TRPM5: variants seen among roughly 807,000 people sequenced by gnomAD.
The protein encoded by TRPM5 is MLSN1 and TRP-related.
A neutral mutation model predicts 124.9 loss-of-function variants in TRPM5; 121 were observed. The ratio of observed to expected loss-of-function variants is 0.97; its 90% CI spans 0.84 to 1.13. The LOEUF is 1.13. TRPM5 is among the 50% of genes most tolerant of loss of function. TRPM5 has a pLI of 0.00. For synonymous variants in TRPM5, 781 were observed against 700.5 expected, an observed-to-expected ratio of 1.11 and a Z score of -1.81; for missense variants, 1,643 against 1,589.1, an observed-to-expected ratio of 1.03 and a Z score of -0.58.
At chr11:2,415,417 A>G (rs1364341096) in exon 9 of TRPM5, 9 of 1,593,418 alleles carry the variant, frequency 5.6e-6, no homozygotes, top group Non-Finnish European at 7.6e-6. Context: ...AGGCGCACAA[A>G]CTCGGGCTTG....
chr11:2,411,209 G>A lies in TRPM5; in HGVS notation c.2782+143C>T, dbSNP rs1565008395. On this transcript the variant is annotated intron_variant, in intron 18 of 23. Transcript: ENST00000155858. The stretch of plus-strand genomic sequence containing the variant: ...GGGGTGTGGGGGGCCTGGGGACCAG[G>A]CCTCAGCCACTTCTCCCATCTCTGC... 7 of 1,059,022 alleles carry A rather than the reference G, an allele frequency of 6.6e-6. No individual in the cohort carries two copies. Among genetic ancestry groups the A allele is most frequent in the Non-Finnish European group, 9.1e-6 (7 of 767,900 alleles). 65.6% of individuals were successfully genotyped at this position (1,059,022 alleles called of 1,614,324 possible).
chr11:2,415,430 G>A, exon 9 of TRPM5: 1 of 1,588,946 alleles, frequency 6.3e-7, no homozygotes, highest in Non-Finnish European at 8.5e-7. Flanking sequence ...CGGGCTTGTT[G>A]CTGACCAGGG....
chr11:2,413,131 C>T lies in TRPM5; in HGVS notation c.2096+3G>A. 1.9e-6 allele frequency: 3 copies of T among 1,553,542 alleles called. No individual in the cohort carries two copies. Among genetic ancestry groups the T allele is most frequent in the Non-Finnish European group, 2.6e-6 (3 of 1,148,682 alleles). ...CCACCCTGCCTGGCCCTGTGCCTCG[C>T]ACCGGCTCTGCAGGCCATACAGCGG... On this transcript the variant is annotated splice_donor_region_variant and intron_variant, in intron 14 of 23. Coordinates refer to ENST00000155858, the Ensembl canonical transcript of TRPM5.
intron 18 of TRPM5, among the ~76,000 whole-genome samples, chr11:2,409,996 C>A (rs1031430808): frequency 6.6e-6 from 1 of 152,210 alleles, no homozygotes; most frequent in African/African-American, 2.4e-5. Context: ...AAAGAGGGGA[C>A]CCCCAACCCT....
exon 21 of TRPM5, chr11:2,406,696 G>A: frequency 2.5e-6 from 4 of 1,613,314 alleles, no homozygotes; most frequent in Non-Finnish European, 3.4e-6. Context: ...CCCCCTCGCT[G>A]TCCCTCCTCC....
At position 2,415,006 on chromosome 11, in the gene TRPM5, CA is replaced by C. The variant is rs1334660499; in HGVS notation, c.1520del (p.Leu507ArgfsTer4). 3 of 1,605,464 alleles carry C rather than the reference CA, an allele frequency of 1.9e-6. No individual in the cohort carries two copies. Among genetic ancestry groups the C allele is most frequent in the Middle Eastern group, 1.7e-4 (1 of 6,060 alleles). ...TCTCGCTCTTCTGGTTCAGGTCCAG[CA>C]GCCACTTCTGGCCCGTGGGCCGCTT... is the stretch of plus-strand genomic sequence containing the variant. On this transcript the variant is annotated frameshift_variant, in exon 10 of 24. Transcript: ENST00000155858. LOFTEE classifies it high-confidence loss of function.
the TRPM5 span, among the ~76,000 whole-genome samples, chr11:2,438,409 A>G: frequency 1.7e-4 from 26 of 152,330 alleles, 1 homozygote; most frequent in African/African-American, 6.3e-4. This position sits in a 1 kb window ranked among gnomAD's most constrained non-coding sequence, Gnocchi z 5.9. Flanking sequence ...TCACACCAGT[A>G]ATCCTAGCAT....
intron 8 of TRPM5, 120 bp from the exon 14 acceptor site, chr11:2,415,591 G>A (rs957908955): frequency 9.6e-6 from 7 of 728,032 alleles, no homozygotes; most frequent in East Asian, 2.7e-5. Flanking sequence ...GCCAGGTCAC[G>A]CAGACCCTCT....
intron 2 of TRPM5, among the ~76,000 whole-genome samples, chr11:2,421,777 G>A (rs555869149): frequency 2.0e-4 from 30 of 152,322 alleles, no homozygotes; most frequent in African/African-American, 7.2e-4. Flanking sequence ...TCTGGTCCCA[G>A]GTGAGTGGGA....
At chr11:2,424,887 A>G (rs557141047), upstream of TRPM5, among the ~76,000 whole-genome samples, 35 of 152,278 alleles carry the variant, frequency 2.3e-4, no homozygotes, top group African/African-American at 6.0e-4. Context: ...GGCAGGACCC[A>G]CCCACGGGCC....
upstream of TRPM5, among the ~76,000 whole-genome samples, chr11:2,425,388 C>T (rs1423394135): frequency 2.0e-5 from 3 of 152,156 alleles, no homozygotes; most frequent in Non-Finnish European, 4.4e-5. Flanking sequence ...GCCTTGGTTG[C>T]CGCATGGTCT....
upstream of TRPM5, chr11:2,423,114 G>A (rs577756856): frequency 8.0e-5 from 98 of 1,230,334 alleles, no homozygotes; most frequent in South Asian, 1.3e-3. Flanking sequence ...CCCCTCAGGG[G>A]GCTGGCTCTG....
chr11:2,430,108 T>C, the TRPM5 span, among the ~76,000 whole-genome samples: 1 of 152,140 alleles, frequency 6.6e-6, no homozygotes, highest in Non-Finnish European at 1.5e-5. Flanking sequence ...CAGGTCATGT[T>C]CCTCCCCGCC....
In TRPM5 at chr11:2,421,282, T is replaced by C. The variant is rs112492621; in HGVS notation, c.299-84A>G. On this transcript the variant is annotated intron_variant, in intron 2 of 23. Coordinates refer to ENST00000155858, the Ensembl canonical transcript of TRPM5. ...CCCACGCCCTAACCCCTAGGCCCAATCAGCAGCCAGTTACCTGGGAGCCAG... is the reference window on the plus strand; with the variant it reads ...CCCACGCCCTAACCCCTAGGCCCAACCAGCAGCCAGTTACCTGGGAGCCAG... 10,702 of 1,430,886 alleles carry C rather than the reference T, an allele frequency of 7.5e-3. 603 individuals are homozygous for C. The African/African-American group carries it at 0.13, about 18-fold the overall frequency. The allele number at this position is 1,430,886 out of a possible 1,614,324, so 88.6% of individuals were successfully genotyped here.
Position 2,412,257 on chromosome 11 carries a change from G to A in TRPM5, c.2356-4C>T. ...TGTCCTCGTCTGTGAAGAAGCCCTG[G>A]GAGGGAGGTGGGCAGTCCACTGACA... On this transcript the variant is annotated splice_polypyrimidine_tract_variant and splice_region_variant and intron_variant, in intron 15 of 23. Transcript: ENST00000155858. 1 of 1,609,896 alleles carries A rather than the reference G, an allele frequency of 6.2e-7. No individual in the cohort carries two copies. The highest frequency in any genetic ancestry group is 8.5e-7 in the Non-Finnish European group (1 of 1,177,136).
chr11:2,414,013 G>GGGGGA, intron 12 of TRPM5, 48 bp downstream of exon 17: 1 of 625,670 alleles, frequency 1.6e-6, no homozygotes, highest in Non-Finnish European at 2.4e-6. Context: ...CAGCTCGCCC[G>GGGGGA]CCCACCCCAC....
chr11:2,415,313 G>A (rs752577088), exon 9 of TRPM5: 90 of 1,583,722 alleles, frequency 5.7e-5, no homozygotes, highest in Non-Finnish European at 7.3e-5. Context: ...GCAGCAGGTC[G>A]AAGAGCAGGC....
At chr11:2,430,746 T>TTGA in the TRPM5 span, among the ~76,000 whole-genome samples, 26,692 of 103,460 alleles carry the variant, frequency 0.26, 4,423 homozygotes, top group African/African-American at 0.45. Context: ...GGTGATGGTG[T>TTGA]TGGTGGTGGT....
chr11:2,426,379 G>A (rs1288265667), upstream of TRPM5, among the ~76,000 whole-genome samples: 2 of 152,190 alleles, frequency 1.3e-5, no homozygotes, highest in African/African-American at 2.4e-5. Flanking sequence ...CCAGAGGGAG[G>A]TGATGCAAAC....
Sources: allele counts gnomAD v4.1 joint callset (sites outside exome capture counted in the v4.1 genomes callset), GRCh38; gene constraint gnomAD v4.1.1; non-coding constraint Gnocchi (gnomAD v3.1); transcripts MANE v1.5; gene names NCBI Gene and HGNC (gene_info 2026-07-23, HGNC 2026-07-21).